Variants in WWOX observed in about 807,000 individuals in gnomAD.
The protein encoded by WWOX is WW domain-containing oxidoreductase.
WWOX carries 69 observed loss-of-function variants against 46.2 expected under a neutral mutation model. The observed-to-expected ratio is 1.49, with a 90% CI of 1.23 to 1.82. The LOEUF is 1.82. Among genes scored for constraint, WWOX ranks in the 40% most tolerant of loss-of-function variants. The pLI is 0.00. For missense variants in WWOX, 919 were observed against 542.6 expected, an observed-to-expected ratio of 1.69 and a Z score of -6.89; for synonymous variants, 359 against 202.6, an observed-to-expected ratio of 1.77 and a Z score of -6.56.
intron 8 of WWOX, chr16:78,896,338 C>A (rs960656183): frequency 6.6e-6 from 1 of 152,006 alleles, no homozygotes; most frequent in African/African-American, 2.4e-5. Context: ...CCCAAAACCA[C>A]TTGGTGTTTA....
chr16:78,100,246 TTTG>T, intron 1 of WWOX: 1 of 1,117,758 alleles, frequency 8.9e-7, no homozygotes, highest in Non-Finnish European at 1.1e-6. Context: ...GGATAGGAGT[TTTG>T]TTGTGTTTTG....
intron 8 of WWOX, among the ~76,000 whole-genome samples, chr16:78,958,077 C>T (rs915140753): frequency 6.6e-6 from 1 of 152,166 alleles, no homozygotes. Context: ...TTGCCTGGGT[C>T]TTGGAATCTG....
At chr16:78,991,908 C>G (rs543002621) in intron 8 of WWOX, among the ~76,000 whole-genome samples, 2 of 152,294 alleles carry the variant, frequency 1.3e-5, no homozygotes, top group African/African-American at 2.4e-5. Flanking sequence ...TTCCTTTGTT[C>G]CCGCCTAACA....
intron 5 of WWOX, among the ~76,000 whole-genome samples, chr16:78,197,927 T>C (rs1383210396): frequency 6.6e-6 from 1 of 152,238 alleles, no homozygotes; most frequent in African/African-American, 2.4e-5. Flanking sequence ...TCCTTCCCTG[T>C]ACTGGTAGTT....
intron 8 of WWOX, among the ~76,000 whole-genome samples, chr16:78,566,259 G>A (rs2044562566): frequency 6.6e-6 from 1 of 152,142 alleles, no homozygotes; most frequent in South Asian, 2.1e-4. Context: ...TCACACTGGG[G>A]CATAGGGCTT....
chr16:79,044,291 C>T (rs1041011445), intron 8 of WWOX, among the ~76,000 whole-genome samples: 3 of 152,106 alleles, frequency 2.0e-5, no homozygotes, highest in Non-Finnish European at 4.4e-5. Flanking sequence ...TCTGATACAG[C>T]TTAGATGTTG....
chr16:78,388,137 T>A (rs902943855), intron 6 of WWOX, among the ~76,000 whole-genome samples: 3 of 152,196 alleles, frequency 2.0e-5, no homozygotes, highest in Non-Finnish European at 2.9e-5. Context: ...CCCAAGTGAT[T>A]TTCCTGTCCC....
chr16:78,132,056 A>G (rs1377220448), intron 4 of WWOX, among the ~76,000 whole-genome samples: 5 of 130,734 alleles, frequency 3.8e-5, no homozygotes, highest in South Asian at 2.4e-4. Flanking sequence ...ACAGAGTCTC[A>G]CTCTGTCGCC....
At chr16:79,138,361 G>A (rs1380802112) in intron 8 of WWOX, among the ~76,000 whole-genome samples, 1 of 152,192 alleles carries the variant, frequency 6.6e-6, no homozygotes, top group Non-Finnish European at 1.5e-5. Flanking sequence ...GACTCATGAT[G>A]TATCCTTCAG....
chr16:78,534,539 TCA>T (rs2043710579), intron 8 of WWOX: 1 of 152,124 alleles, frequency 6.6e-6, no homozygotes, highest in Non-Finnish European at 1.5e-5. Context: ...ATGACTGGAC[TCA>T]CAGGTGGAGA....
chr16:79,182,917 C>G (rs1377359417), intron 8 of WWOX, among the ~76,000 whole-genome samples: 1 of 152,150 alleles, frequency 6.6e-6, no homozygotes, highest in Non-Finnish European at 1.5e-5. Context: ...TGATGAGCAT[C>G]CTCAGAAAGT....
At chr16:78,805,935 G>A (rs188556321) in intron 8 of WWOX, among the ~76,000 whole-genome samples, 1 of 152,002 alleles carries the variant, frequency 6.6e-6, no homozygotes, top group Non-Finnish European at 1.5e-5. Flanking sequence ...TGAACATTAG[G>A]GAATAACACC....
At chr16:78,850,367 A>G (rs2052411821) in intron 8 of WWOX, among the ~76,000 whole-genome samples, 1 of 152,182 alleles carries the variant, frequency 6.6e-6, no homozygotes, top group African/African-American at 2.4e-5. Context: ...TTCACTTAAC[A>G]TTATAGCACA....
At chr16:78,939,959 A>T (rs370937275) in intron 8 of WWOX, among the ~76,000 whole-genome samples, 37 of 152,366 alleles carry the variant, frequency 2.4e-4, no homozygotes, top group African/African-American at 8.4e-4. Flanking sequence ...TAGAATATTC[A>T]TGGTTAGACC....
chr16:78,751,615 A>C (rs953234954), intron 8 of WWOX, among the ~76,000 whole-genome samples: 3 of 151,738 alleles, frequency 2.0e-5, no homozygotes, highest in African/African-American at 7.3e-5. Context: ...TGCATGCCTT[A>C]TATTTATGTA....
At chr16:78,732,269 C>T (rs549108921) in intron 8 of WWOX, among the ~76,000 whole-genome samples, 18 of 152,154 alleles carry the variant, frequency 1.2e-4, no homozygotes, top group Non-Finnish European at 2.5e-4. Context: ...ATCCTGCTTC[C>T]GTCTGGTTGT....
chr16:78,715,989 G>C (rs1341419312), intron 8 of WWOX, among the ~76,000 whole-genome samples: 1 of 152,004 alleles, frequency 6.6e-6, no homozygotes, highest in Non-Finnish European at 1.5e-5. Flanking sequence ...ACAGAGGTTT[G>C]AGCAAGAAAT....
chr16:78,670,813 G>C lies in WWOX; in HGVS notation c.1056+238061G>C, dbSNP rs564273784. 5.3e-5 allele frequency among the ~76,000 whole-genome samples: 8 copies of C among 152,148 alleles called. No homozygotes were observed. In the South Asian group the frequency reaches 8.3e-4, roughly 16 times the overall value. ...AGACATGAGCCACTCCACCTACCCA[G>C]AAATAAGGTCTTTATAGATGTAACT... On this transcript the variant is annotated intron_variant, in intron 8 of 8. Coordinates refer to ENST00000566780, the MANE Select transcript of WWOX (RefSeq NM_016373.4).
chr16:78,497,635 C>T (rs942228459), intron 8 of WWOX, among the ~76,000 whole-genome samples: 3 of 151,992 alleles, frequency 2.0e-5, no homozygotes, highest in African/African-American at 7.2e-5. Flanking sequence ...TAAAAATGGC[C>T]CTTCCAACAT....
Sources: gnomAD v4.1 joint callset for allele counts (sites outside exome capture counted in the v4.1 genomes callset) on GRCh38, gnomAD v4.1.1 for gene constraint, MANE v1.5 for transcripts, NCBI Gene and HGNC (gene_info 2026-07-23, HGNC 2026-07-21) for gene names.